The following CCDC148 variants were observed in gnomAD, a reference collection of about 807,000 sequenced individuals.
CCDC148 encodes coiled-coil domain-containing protein 148.
CCDC148 carries 89 observed loss-of-function variants against 85.7 expected under a neutral mutation model. That is an observed-to-expected ratio of 1.04 (90% CI 0.87 to 1.24). The LOEUF (loss-of-function observed/expected upper bound fraction) is 1.24, where lower values mean the gene tolerates loss of function less well. Ranked by LOEUF, CCDC148 falls within the 50% of genes most tolerant of loss-of-function variation. The pLI, the probability that CCDC148 is intolerant of heterozygous loss-of-function variation, is 0.00. For missense variants in CCDC148, 692 were observed against 671.7 expected (o/e 1.03, Z -0.33); for synonymous variants, 230 against 213.9 (o/e 1.08, Z -0.66).
intron 2 of CCDC148, among the ~76,000 whole-genome samples, chr2:158,357,743 C>T (rs954813828): frequency 6.6e-6 from 1 of 151,866 alleles, no homozygotes; most frequent in African/African-American, 2.4e-5. Flanking sequence ...CAATTGCCTT[C>T]TATAAAAAAA....
At chr2:158,201,992 G>A (rs1685989261) in intron 11 of CCDC148, among the ~76,000 whole-genome samples, 1 of 152,166 alleles carries the variant, frequency 6.6e-6, no homozygotes, top group Non-Finnish European at 1.5e-5. Flanking sequence ...ATAACAAAGT[G>A]TGTGTGTGAA....
At chr2:158,340,488 C>T (rs1183102571) in intron 4 of CCDC148, 95 bp from the exon 5 acceptor site, 2 of 1,477,236 alleles carry the variant, frequency 1.4e-6, no homozygotes, top group Admixed American at 2.1e-5. Context: ...TGGGGATTTC[C>T]TTAGAAAAAA....
intron 1 of CCDC148, chr2:158,447,123 T>C (rs569559360): frequency 6.6e-6 from 1 of 152,358 alleles, no homozygotes; most frequent in East Asian, 1.9e-4. Context: ...CTGGGTCATA[T>C]GGTATAAGTT....
At chr2:158,297,743 T>A (rs1198283724) in intron 9 of CCDC148, among the ~76,000 whole-genome samples, 1 of 152,198 alleles carries the variant, frequency 6.6e-6, no homozygotes, top group East Asian at 1.9e-4. Context: ...TCCAGAATCA[T>A]GTACCACAGA....
intron 1 of CCDC148, among the ~76,000 whole-genome samples, chr2:158,362,626 C>T (rs1559099977): frequency 6.6e-6 from 1 of 152,072 alleles, no homozygotes; most frequent in Non-Finnish European, 1.5e-5. Context: ...CCAATGAGAA[C>T]AAAGACACAA....
At chr2:158,247,724 C>T (rs577802089) in intron 10 of CCDC148, among the ~76,000 whole-genome samples, 1 of 151,894 alleles carries the variant, frequency 6.6e-6, no homozygotes, top group African/African-American at 2.4e-5. Context: ...GGTATAGTGG[C>T]GGGCACCTGT....
chr2:158,227,873 A>T (rs1357555114), intron 10 of CCDC148, among the ~76,000 whole-genome samples: 2 of 152,150 alleles, frequency 1.3e-5, no homozygotes, highest in African/African-American at 2.4e-5. Flanking sequence ...AACCTAGGCA[A>T]TACCATTCAG....
chr2:158,287,219 T>C (rs1234013823), intron 9 of CCDC148, among the ~76,000 whole-genome samples: 1 of 152,108 alleles, frequency 6.6e-6, no homozygotes, highest in Non-Finnish European at 1.5e-5. Context: ...AGAGATACAA[T>C]TAAAGTTGAG....
chr2:158,264,716 GA>G (rs756464216), intron 9 of CCDC148, among the ~76,000 whole-genome samples: 2 of 151,974 alleles, frequency 1.3e-5, no homozygotes, highest in Admixed American at 6.6e-5. Context: ...TCAATTCTCT[GA>G]GTACTCACAA....
At chr2:158,388,178 T>A (rs1685167665) in intron 1 of CCDC148, among the ~76,000 whole-genome samples, 1 of 152,220 alleles carries the variant, frequency 6.6e-6, no homozygotes, top group South Asian at 2.1e-4. Flanking sequence ...ATACACAAAT[T>A]AATTCCTTCT....
At chr2:158,258,507 C>A (rs1193998877) in intron 9 of CCDC148, among the ~76,000 whole-genome samples, 1 of 151,812 alleles carries the variant, frequency 6.6e-6, no homozygotes, top group Non-Finnish European at 1.5e-5. Flanking sequence ...CCACTTAGAA[C>A]CTCAGGTAAG....
At chr2:158,331,548 A>T (rs907909659) in intron 7 of CCDC148, among the ~76,000 whole-genome samples, 14 of 151,966 alleles carry the variant, frequency 9.2e-5, no homozygotes, top group Non-Finnish European at 1.6e-4. Flanking sequence ...CTGAGTTCAA[A>T]TCCTGGGTAT....
At chr2:158,446,272 A>G (rs1331083937) in intron 1 of CCDC148, among the ~76,000 whole-genome samples, 1 of 151,280 alleles carries the variant, frequency 6.6e-6, no homozygotes, top group East Asian at 1.9e-4. Flanking sequence ...GGATTGCTTG[A>G]CCCCAGGAGT....
intron 1 of CCDC148, among the ~76,000 whole-genome samples, chr2:158,378,774 C>A (rs1684755851): frequency 1.3e-5 from 2 of 152,100 alleles, no homozygotes; most frequent in African/African-American, 2.4e-5. Flanking sequence ...GGTGATAGCA[C>A]ATCTGTTTAC....
At chr2:158,273,297 T>A (rs2105164591) in intron 9 of CCDC148, among the ~76,000 whole-genome samples, 1 of 152,290 alleles carries the variant, frequency 6.6e-6, no homozygotes, top group East Asian at 1.9e-4. Flanking sequence ...AAGGACCTGA[T>A]TAGTAGTAAA....
intron 9 of CCDC148, among the ~76,000 whole-genome samples, chr2:158,272,516 T>C (rs1272396224): frequency 6.6e-6 from 1 of 152,238 alleles, no homozygotes; most frequent in African/African-American, 2.4e-5. Flanking sequence ...GGAAACTCTA[T>C]AATGCCTTAA....
intron 9 of CCDC148, among the ~76,000 whole-genome samples, chr2:158,297,585 C>A (rs1315814802): frequency 6.6e-6 from 1 of 152,156 alleles, no homozygotes; most frequent in Admixed American, 6.6e-5. Flanking sequence ...GACCCAGACA[C>A]CCTCTGTGTC....
intron 1 of CCDC148, among the ~76,000 whole-genome samples, chr2:158,451,386 T>G (rs1052854777): frequency 2.0e-5 from 3 of 152,182 alleles, no homozygotes; most frequent in Non-Finnish European, 2.9e-5. Context: ...GTAGCAATTT[T>G]GGATGACATC....
chr2:158,435,082 A>G (rs1286168238), intron 1 of CCDC148, among the ~76,000 whole-genome samples: 1 of 152,236 alleles, frequency 6.6e-6, no homozygotes, highest in Non-Finnish European at 1.5e-5. Context: ...AACTTCCCCA[A>G]TCTAGCAAGG....
Sources: gnomAD v4.1 joint callset for allele counts (sites outside exome capture counted in the v4.1 genomes callset) on GRCh38, gnomAD v4.1.1 for gene constraint, MANE v1.5 for transcripts, NCBI Gene and HGNC (gene_info 2026-07-23, HGNC 2026-07-21) for gene names.